CNTN5: variants seen among roughly 807,000 people sequenced by gnomAD.
CNTN5 encodes the protein contactin-5.
In CNTN5, 77 loss-of-function variants were observed where a neutral mutation model predicts 129.1. The observed-to-expected ratio is 0.60, with a 90% CI of 0.50 to 0.72. CNTN5 has a LOEUF of 0.72. Ranked by LOEUF, CNTN5 falls within the 30% of genes least tolerant of loss-of-function variation. The probability of loss-of-function intolerance (pLI) is 0.00; values close to 1 mark genes in which losing one functional copy is unlikely to be tolerated. For missense variants in CNTN5, 1,478 were observed against 1,328.8 expected, an observed-to-expected ratio of 1.11 and a Z score of -1.75; for synonymous variants, 509 against 465.6, an observed-to-expected ratio of 1.09 and a Z score of -1.20.
chr11:99,559,126 T>C (rs1948761332), intron 3 of CNTN5, among the ~76,000 whole-genome samples: 1 of 152,092 alleles, frequency 6.6e-6, no homozygotes, highest in Non-Finnish European at 1.5e-5. Context: ...TATTATTTCA[T>C]TTTCACTGGT....
At chr11:100,170,775 A>AAACTT (rs1436916519) in intron 13 of CNTN5, among the ~76,000 whole-genome samples, 1 of 152,024 alleles carries the variant, frequency 6.6e-6, no homozygotes, top group East Asian at 1.9e-4. Context: ...GATGAGAAAG[A>AAACTT]AACTTAAACT....
intron 3 of CNTN5, among the ~76,000 whole-genome samples, chr11:99,557,384 C>T (rs1215339489): frequency 6.6e-6 from 1 of 150,844 alleles, no homozygotes; most frequent in Non-Finnish European, 1.5e-5. Context: ...ACTAATATTG[C>T]CTCATCTTCT....
intron 13 of CNTN5, among the ~76,000 whole-genome samples, chr11:100,104,451 T>A (rs961955001): frequency 2.0e-5 from 3 of 151,612 alleles, no homozygotes; most frequent in Non-Finnish European, 4.4e-5. Context: ...AGCAGCAAGT[T>A]CTAGAAAAAA....
chr11:99,128,567 C>A (rs759182742), intron 1 of CNTN5, among the ~76,000 whole-genome samples: 1 of 152,144 alleles, frequency 6.6e-6, no homozygotes, highest in South Asian at 2.1e-4. Flanking sequence ...GTCTGCTGGC[C>A]GATCTAGAGG....
intron 3 of CNTN5, among the ~76,000 whole-genome samples, chr11:99,616,761 A>G (rs996421903): frequency 1.3e-5 from 2 of 152,224 alleles, no homozygotes; most frequent in African/African-American, 4.8e-5. Context: ...AGAAGGTGAA[A>G]TATTTTTCAC....
intron 18 of CNTN5, among the ~76,000 whole-genome samples, chr11:100,275,901 A>T (rs901481638): frequency 9.2e-5 from 14 of 152,196 alleles, no homozygotes; most frequent in African/African-American, 3.1e-4. Context: ...CTGTTTTGTC[A>T]GGCAGCACAG....
intron 3 of CNTN5, among the ~76,000 whole-genome samples, chr11:99,706,031 C>A (rs1479800575): frequency 1.3e-5 from 2 of 151,570 alleles, no homozygotes; most frequent in Non-Finnish European, 3.0e-5. Context: ...ATATATTAAT[C>A]ATTTGTTAAA....
At chr11:99,187,045 A>AG (rs1193854910) in intron 1 of CNTN5, among the ~76,000 whole-genome samples, 2 of 151,954 alleles carry the variant, frequency 1.3e-5, no homozygotes, top group Non-Finnish European at 2.9e-5. Flanking sequence ...GAATTCCCAG[A>AG]GGCAACTGAA....
intron 2 of CNTN5, among the ~76,000 whole-genome samples, chr11:99,515,848 T>C (rs1366716822): frequency 6.6e-6 from 1 of 151,950 alleles, no homozygotes; most frequent in Non-Finnish European, 1.5e-5. Flanking sequence ...ATTGCTATTA[T>C]CTCATACAAA....
At chr11:100,047,934 A>C (rs556307283) in intron 9 of CNTN5, among the ~76,000 whole-genome samples, 1 of 152,248 alleles carries the variant, frequency 6.6e-6, no homozygotes, top group South Asian at 2.1e-4. Context: ...GATGGAGACC[A>C]TCCTGGCTAA....
At chr11:99,520,700 AC>A (rs543164848) in intron 2 of CNTN5, among the ~76,000 whole-genome samples, 46 of 151,846 alleles carry the variant, frequency 3.0e-4, no homozygotes, top group Non-Finnish European at 5.2e-4. Flanking sequence ...AGTACATACA[AC>A]CTCCTGCTTT....
chr11:99,782,732 A>T (rs2135394425), intron 3 of CNTN5, among the ~76,000 whole-genome samples: 1 of 152,194 alleles, frequency 6.6e-6, no homozygotes, highest in Non-Finnish European at 1.5e-5. Flanking sequence ...TGGGGAAAGG[A>T]TTCCCTATTT....
intron 3 of CNTN5, among the ~76,000 whole-genome samples, chr11:99,607,639 C>T (rs1408575329): frequency 8.4e-6 from 1 of 118,886 alleles, no homozygotes; most frequent in Non-Finnish European, 1.8e-5. Flanking sequence ...GCTATAAAGA[C>T]ACATGCACAC....
intron 1 of CNTN5, among the ~76,000 whole-genome samples, chr11:99,111,251 G>T (rs1310452546): frequency 3.9e-5 from 6 of 151,980 alleles, no homozygotes; most frequent in Non-Finnish European, 8.8e-5. Context: ...TCCATCTTGT[G>T]TCTATGAGAT....
intron 3 of CNTN5, among the ~76,000 whole-genome samples, chr11:99,749,766 C>T (rs1183829200): frequency 6.6e-6 from 1 of 152,128 alleles, no homozygotes; most frequent in Non-Finnish European, 1.5e-5. Flanking sequence ...ACTCTTAAAG[C>T]AAGTCTATTT....
chr11:99,821,755 T>C (rs2135565607), intron 4 of CNTN5, among the ~76,000 whole-genome samples: 1 of 152,174 alleles, frequency 6.6e-6, no homozygotes, highest in Non-Finnish European at 1.5e-5. Context: ...AAGATTGAGG[T>C]AGGGCAAGAG....
chr11:99,490,303 T>C (rs566601864), intron 2 of CNTN5, among the ~76,000 whole-genome samples: 12 of 152,302 alleles, frequency 7.9e-5, no homozygotes, highest in African/African-American at 2.4e-4. Context: ...ATTAAGTTAT[T>C]ACATAATTTT....
rs112840448 is a variant in CNTN5, at chr11:99,560,452, C to A, written c.55+4183C>A. On this transcript the variant is annotated intron_variant, in intron 3 of 24. Transcript: ENST00000524871. ...GATTACAGATGTGTGCCACCATGACCAGCTAATTTTTCTATTTTTAGTAGA... is the reference window on the plus strand; with the variant it reads ...GATTACAGATGTGTGCCACCATGACAAGCTAATTTTTCTATTTTTAGTAGA... Among the ~76,000 whole-genome samples the A allele has an allele frequency of 5.1e-3, 779 of 151,952 alleles. 8 individuals are homozygous for A. The highest frequency in any genetic ancestry group is 0.018 in the African/African-American group (738 of 41,458).
At chr11:99,771,950 G>A (rs1565512452) in intron 3 of CNTN5, among the ~76,000 whole-genome samples, 1 of 151,610 alleles carries the variant, frequency 6.6e-6, no homozygotes, top group East Asian at 1.9e-4. Flanking sequence ...TTACCCATGA[G>A]TGTCTGGGAG....
Sources: allele counts gnomAD v4.1 joint callset (sites outside exome capture counted in the v4.1 genomes callset), GRCh38; gene constraint gnomAD v4.1.1; transcripts MANE v1.5; gene names NCBI Gene and HGNC (gene_info 2026-07-23, HGNC 2026-07-21).